Variants in DAOA observed in about 807,000 individuals in gnomAD.
The protein encoded by DAOA is D-amino acid oxidase activator.
Under a neutral mutation model 16.4 loss-of-function variants are expected in DAOA, and 15 were observed. That is an observed-to-expected ratio of 0.91 (90% CI 0.61 to 1.41). The LOEUF (loss-of-function observed/expected upper bound fraction) is 1.41. DAOA is among the 40% of genes most tolerant of loss of function. The pLI is 0.00. For missense variants in DAOA, 230 were observed against 176.8 expected, an observed-to-expected ratio of 1.30 and a Z score of -1.71; for synonymous variants, 75 against 59.1, an observed-to-expected ratio of 1.27 and a Z score of -1.23.
At chr13:105,466,357 G>C (rs1382699329) in intron 2 of DAOA, 25 bp downstream of exon 2, 1 of 1,613,852 alleles carries the variant, frequency 6.2e-7, no homozygotes, top group Non-Finnish European at 8.5e-7. Flanking sequence ...GTTTTTTACA[G>C]CATGGCGGCC....
chr13:105,479,568 C>T (rs925733913), intron 4 of DAOA, among the ~76,000 whole-genome samples: 1 of 152,164 alleles, frequency 6.6e-6, no homozygotes, highest in African/African-American at 2.4e-5. Context: ...CCTTGGCTGA[C>T]AGGCACATCA....
Position 105,467,100 on chromosome 13 carries a change from G to A in DAOA, c.92G>A (p.Ser31Asn), listed in dbSNP as rs777995731. Residue 31 changes from serine to asparagine, a missense_variant, in exon 3 of 6, where the codon AGC (serine) becomes AAC (asparagine). Physicochemically the swap from Ser to Asn is conservative, Grantham distance 46 (BLOSUM62 1). Coordinates refer to ENST00000375936, the MANE Select transcript of DAOA (RefSeq NM_172370.5). ...GKIYFIGFQR[S>N]ILLSKSENSL... ...ATCTACTTCATAGGTTTTCAAAGGA[G>A]CATTCTTCTGAGCAAATCTGAAAAC... 12 of 1,610,680 alleles carry A rather than the reference G, an allele frequency of 7.5e-6. No homozygotes were observed. The Admixed American group carries it at 8.4e-5, about 11-fold the overall frequency.
intron 4 of DAOA, among the ~76,000 whole-genome samples, chr13:105,473,321 TTTAA>T (rs1365664546): frequency 2.0e-5 from 3 of 152,146 alleles, no homozygotes; most frequent in Non-Finnish European, 4.4e-5. Context: ...ATGATAATTA[TTTAA>T]TTATGTGTTC....
chr13:105,479,202 T>C (rs1229146238), intron 4 of DAOA, among the ~76,000 whole-genome samples: 1 of 152,162 alleles, frequency 6.6e-6, no homozygotes, highest in Non-Finnish European at 1.5e-5. Context: ...TCGTATTGTT[T>C]CTTGGTTTTT....
chr13:105,470,818 T>A (rs1053506418), intron 3 of DAOA, among the ~76,000 whole-genome samples: 2 of 6,558 alleles, frequency 3.0e-4, no homozygotes, highest in African/African-American at 6.3e-4. Context: ...TTTGATGGAG[T>A]CACGCTCTGT....
chr13:105,489,899 AG>A lies in DAOA; in HGVS notation c.282del. The A allele has an allele frequency of 6.2e-7, 1 of 1,613,858 alleles. No homozygotes were observed. The highest frequency in any genetic ancestry group is 8.5e-7 in the Non-Finnish European group (1 of 1,179,868). ...GCCAACTGAGACCGGATCTCCTTACAGGCTTGAAGAAGTAAGCAGCCATGTT... is the reference window on the plus strand; with the variant it reads ...GCCAACTGAGACCGGATCTCCTTACAGCTTGAAGAAGTAAGCAGCCATGTT... On this transcript the variant is annotated splice_acceptor_variant, in intron 4 of 5. Coordinates refer to ENST00000375936, the MANE Select transcript of DAOA (RefSeq NM_172370.5). LOFTEE classifies it high-confidence loss of function.
chr13:105,489,990 A>T lies in DAOA; in HGVS notation c.371A>T (p.Gln124Leu), dbSNP rs1018639568. ...TATGAGGCCTCTAAGGACCGCAGGC[A>T]GCCTCTAGAACGAATGTGGACCTGC... ...LAYEASKDRR[Q>L]PLERMWTCNY... The change falls in exon 5 of 6, where the codon CAG (glutamine) becomes CTG (leucine). Residue 124 changes from glutamine to leucine, a missense_variant. Physicochemically the swap from Gln to Leu is moderately radical, Grantham distance 113. Coordinates refer to ENST00000375936, the MANE Select transcript of DAOA (RefSeq NM_172370.5). 1 of 1,613,400 alleles carries T rather than the reference A, an allele frequency of 6.2e-7. No individual in the cohort carries two copies. Among genetic ancestry groups the T allele is most frequent in the Non-Finnish European group, 8.5e-7 (1 of 1,179,754 alleles).
intron 4 of DAOA, among the ~76,000 whole-genome samples, chr13:105,472,912 T>G (rs1023594292): frequency 3.3e-5 from 5 of 152,146 alleles, no homozygotes; most frequent in African/African-American, 1.2e-4. Context: ...TTTTCTTGAA[T>G]TTTGTTTTTT....
chr13:105,466,041 G>A, upstream of DAOA: 1 of 411,214 alleles, frequency 2.4e-6, no homozygotes, highest in East Asian at 3.7e-5. Flanking sequence ...AGAAAGTAGA[G>A]TGAAGCAAGT....
intron 4 of DAOA, among the ~76,000 whole-genome samples, chr13:105,485,092 T>G: frequency 6.6e-6 from 1 of 152,210 alleles, no homozygotes; most frequent in East Asian, 1.9e-4. Flanking sequence ...ATGTTTAATG[T>G]TGATGTCAAG....
chr13:105,467,445 T>C (rs1297456240), intron 3 of DAOA, among the ~76,000 whole-genome samples: 1 of 152,192 alleles, frequency 6.6e-6, no homozygotes, highest in Non-Finnish European at 1.5e-5. Flanking sequence ...GATTTATTTT[T>C]GTGAAGTGGG....
chr13:105,466,279 A>G lies in DAOA; in HGVS notation c.-10A>G, dbSNP rs768860319. On this transcript the variant is annotated 5_prime_UTR_variant, in exon 2 of 6. Coordinates refer to ENST00000375936, the MANE Select transcript of DAOA (RefSeq NM_172370.5). ...TCACAATGCCGATGATTTAGCTGGG[A>G]GGACCCAAAATGCTGGAAAAGCTGA... The G allele has an allele frequency of 1.2e-6, 2 of 1,614,028 alleles. No individual in the cohort carries two copies. The highest frequency in any genetic ancestry group is 1.7e-4 in the Middle Eastern group (1 of 6,060).
At chr13:105,489,659 GC>G in intron 4 of DAOA, 1 of 875,238 alleles carries the variant, frequency 1.1e-6, no homozygotes, top group Non-Finnish European at 1.7e-6. Flanking sequence ...AATTCTTTAT[GC>G]TTTTTCACAG....
chr13:105,487,511 C>G (rs979014912), intron 4 of DAOA, among the ~76,000 whole-genome samples: 1 of 151,558 alleles, frequency 6.6e-6, no homozygotes, highest in Non-Finnish European at 1.5e-5. Flanking sequence ...TCCCTGATAC[C>G]TTTTCCCTTT....
chr13:105,489,833 A>G, intron 4 of DAOA, 68 bp from the exon 5 acceptor site: 1 of 1,613,458 alleles, frequency 6.2e-7, no homozygotes, highest in Non-Finnish European at 8.5e-7. Context: ...AAAGGTGATG[A>G]CACTTGACTC....
intron 5 of DAOA, 58 bp downstream of exon 5, chr13:105,490,250 T>C: frequency 1.2e-6 from 1 of 857,632 alleles, no homozygotes; most frequent in Non-Finnish European, 1.5e-6. Context: ...ATAATTTTTA[T>C]GAATTATATT....
chr13:105,472,493 G>A (rs1877027170), intron 3 of DAOA, 45 bp from the exon 4 acceptor site: 2 of 1,577,166 alleles, frequency 1.3e-6, no homozygotes, highest in Non-Finnish European at 1.7e-6. Context: ...TAAAAGATGT[G>A]ATAGAGTTAA....
At chr13:105,471,317 T>A (rs1876939196) in intron 3 of DAOA, among the ~76,000 whole-genome samples, 1 of 124,172 alleles carries the variant, frequency 8.1e-6, no homozygotes, top group Non-Finnish European at 1.7e-5. Flanking sequence ...GCAAATGCAC[T>A]TTATATTGAT....
intron 4 of DAOA, among the ~76,000 whole-genome samples, chr13:105,479,515 C>T (rs1401277106): frequency 6.6e-6 from 1 of 152,306 alleles, no homozygotes; most frequent in Admixed American, 6.5e-5. Flanking sequence ...CTGTGCCAGG[C>T]TTCTCTCCGA....
Sources: allele counts gnomAD v4.1 joint callset (sites outside exome capture counted in the v4.1 genomes callset), GRCh38; gene constraint gnomAD v4.1.1; transcripts MANE v1.5; gene names NCBI Gene and HGNC (gene_info 2026-07-23, HGNC 2026-07-21).